Variants in SV2B observed in about 807,000 individuals in gnomAD.
SV2B encodes the protein synaptic vesicle glycoprotein 2B.
A neutral mutation model predicts 73.9 loss-of-function variants in SV2B; 41 were observed. That is an observed-to-expected ratio of 0.56 (90% confidence interval 0.43 to 0.72). The LOEUF (loss-of-function observed/expected upper bound fraction) is 0.72. Ranked by LOEUF, SV2B falls within the 30% of genes least tolerant of loss-of-function variation. The probability of loss-of-function intolerance (pLI) is 0.00; values close to 1 mark genes in which losing one functional copy is unlikely to be tolerated. For synonymous variants in SV2B, 314 were observed against 314.2 expected (o/e 1.00, Z 0.01); for missense variants, 764 against 857.8 (o/e 0.89, Z 1.37).
At position 91,231,276 on chromosome 15, in the gene SV2B, G is replaced by A. The variant is rs564531156; in HGVS notation, c.451+4562G>A. Among the ~76,000 whole-genome samples the A allele has an allele frequency of 4.6e-4, 70 of 152,208 alleles. No individual in the cohort carries two copies. In the South Asian group the frequency reaches 0.015, roughly 32 times the overall value. On this transcript the variant is annotated intron_variant, in intron 2 of 12. Coordinates refer to ENST00000394232, the MANE Select transcript of SV2B (RefSeq NM_001323032.3). This position sits in a 1 kb window ranked among gnomAD's most constrained non-coding sequence, Gnocchi z 4.5. The stretch of plus-strand genomic sequence containing the variant: ...TGGTAGTGGAGAGCTGTTTAATGGG[G>A]AGCTATGAAATATGCCGTTGAGGAA...
rs944187546 is a variant in SV2B at position 91,241,376 on chromosome 15, A to G, written c.452-10443A>G. ...ACCCCGTTGCTGCACCTGGGTGGTC[A>G]GGAACACAGAACATACAATGTTGCC... On this transcript the variant is annotated intron_variant, in intron 2 of 12. Transcript: ENST00000394232. The surrounding 1 kb of genome is among the most constrained non-coding windows in gnomAD (Gnocchi z 4.8). 6.6e-6 allele frequency among the ~76,000 whole-genome samples: 1 copy of G among 152,134 alleles called. No homozygotes were observed. Among genetic ancestry groups the G allele is most frequent in the African/African-American group, 2.4e-5 (1 of 41,426 alleles).
At chr15:91,150,112 T>G (rs1035923262) in intron 1 of SV2B, among the ~76,000 whole-genome samples, 1 of 152,182 alleles carries the variant, frequency 6.6e-6, no homozygotes, top group African/African-American at 2.4e-5. Context: ...CAAGTGATTC[T>G]CCTGCCTCAG....
At chr15:91,264,626 C>T (rs1023366315) in intron 6 of SV2B, among the ~76,000 whole-genome samples, 12 of 152,284 alleles carry the variant, frequency 7.9e-5, no homozygotes, top group African/African-American at 2.9e-4. Flanking sequence ...ATTAGAGCCA[C>T]CTCCGTTGAG....
chr15:91,156,665 C>T (rs1284893918), intron 1 of SV2B, among the ~76,000 whole-genome samples: 1 of 152,206 alleles, frequency 6.6e-6, no homozygotes, highest in African/African-American at 2.4e-5. Context: ...GTCAAGCATT[C>T]ATCCCTTTCT....
At position 91,232,871 on chromosome 15, in the gene SV2B, C is replaced by T. The variant is rs1389261338; in HGVS notation, c.451+6157C>T. 6.6e-6 allele frequency among the ~76,000 whole-genome samples: 1 copy of T among 152,134 alleles called. No homozygotes were observed. Among genetic ancestry groups the T allele is most frequent in the Non-Finnish European group, 1.5e-5 (1 of 68,018 alleles). ...ACTGTTTTTCAGTCCTTTCGCCTCT[C>T]CAGTAGTCCCCAGTGTCTATTATTC... On this transcript the variant is annotated intron_variant, in intron 2 of 12. Transcript: ENST00000394232. This position sits in a 1 kb window ranked among gnomAD's most constrained non-coding sequence, Gnocchi z 4.7.
intron 1 of SV2B, among the ~76,000 whole-genome samples, chr15:91,179,212 T>A (rs1050784158): frequency 2.6e-5 from 4 of 152,160 alleles, no homozygotes; most frequent in Admixed American, 6.5e-5. Flanking sequence ...TTTGAGTGAG[T>A]TTCTTAATCC....
chr15:91,254,460 C>A (rs1337668323), intron 4 of SV2B, among the ~76,000 whole-genome samples: 2 of 152,204 alleles, frequency 1.3e-5, no homozygotes, highest in East Asian at 3.9e-4. Context: ...TGGTCTCCAA[C>A]GCCTGACTTC....
intron 1 of SV2B, among the ~76,000 whole-genome samples, chr15:91,133,101 A>G (rs575441707): frequency 6.6e-6 from 1 of 152,316 alleles, no homozygotes; most frequent in Admixed American, 6.5e-5. Flanking sequence ...GATCATAGAG[A>G]TTAAGAGACT....
intron 1 of SV2B, among the ~76,000 whole-genome samples, chr15:91,169,295 C>T (rs937241359): frequency 6.6e-6 from 1 of 152,082 alleles, no homozygotes; most frequent in Non-Finnish European, 1.5e-5. Context: ...GCAATAATGT[C>T]TTCTTTAAGA....
rs776762296 is a variant in SV2B, at chr15:91,296,330, G to T, written c.*3778G>T. On this transcript the variant is annotated 3_prime_UTR_variant, in exon 13 of 13. Transcript: ENST00000394232. ...GATGGCATATGACTGCAAATTCAAA[G>T]AAACCAATTTATAATAAGTTTATAG... The T allele has an allele frequency of 2.0e-5, 3 of 152,206 alleles. No individual in the cohort carries two copies. The highest frequency in any genetic ancestry group is 4.8e-5 in the African/African-American group (2 of 41,454). The allele number at this position is 152,206 out of a possible 1,614,324, so 9.4% of individuals were successfully genotyped here. A position where few individuals can be genotyped will look rare whatever the true frequency, so the allele number is the denominator to read the frequency against.
rs770620196 is a variant in SV2B at position 91,294,244 on chromosome 15, G to A, written c.*1692G>A. On this transcript the variant is annotated 3_prime_UTR_variant, in exon 13 of 13. Coordinates refer to ENST00000394232, the MANE Select transcript of SV2B (RefSeq NM_001323032.3). The surrounding 1 kb of genome is among the most constrained non-coding windows in gnomAD (Gnocchi z 4.1). ...AATGCTTAGGTCCTATGATAGCTTC[G>A]GGACATCTTTCTGTAATTTTCCTCA... 1.3e-5 allele frequency: 2 copies of A among 152,104 alleles called. No homozygotes were observed. Among genetic ancestry groups the A allele is most frequent in the Admixed American group, 1.3e-4 (2 of 15,284 alleles). The allele number at this position is 152,104 out of a possible 1,614,324, so 9.4% of individuals were successfully genotyped here.
chr15:91,129,479 T>C lies in SV2B; in HGVS notation c.-392+29116T>C, dbSNP rs1039305301. ...AATGGTGGGGATCAGCAAAGATGTATGTCTTGGAAAAGCCCAGAACCGGAG... is the reference window on the plus strand; with the variant it reads ...AATGGTGGGGATCAGCAAAGATGTACGTCTTGGAAAAGCCCAGAACCGGAG... On this transcript the variant is annotated intron_variant, in intron 1 of 12. Coordinates refer to ENST00000394232, the MANE Select transcript of SV2B (RefSeq NM_001323032.3). The surrounding 1 kb of genome is among the most constrained non-coding windows in gnomAD (Gnocchi z 5.1). Among the ~76,000 whole-genome samples, 13 of 152,272 alleles carry C rather than the reference T, an allele frequency of 8.5e-5. No individual in the cohort carries two copies. The highest frequency in any genetic ancestry group is 2.9e-4 in the African/African-American group (12 of 41,570).
chr15:91,160,712 T>G (rs943827170), intron 1 of SV2B, among the ~76,000 whole-genome samples: 1 of 151,874 alleles, frequency 6.6e-6, no homozygotes, highest in East Asian at 1.9e-4. Flanking sequence ...CCAAAATAGA[T>G]CCAAGGATAA....
rs548043040 is a variant in SV2B at position 91,289,371 on chromosome 15, C to T, written c.1709-150C>T. 4 of 979,520 alleles carry T rather than the reference C, an allele frequency of 4.1e-6. No homozygotes were observed. The highest frequency in any genetic ancestry group is 1.6e-5 in the African/African-American group (1 of 61,850). The allele number at this position is 979,520 out of a possible 1,614,324, so 60.7% of individuals were successfully genotyped here. A position where few individuals can be genotyped will look rare whatever the true frequency, so the allele number is the denominator to read the frequency against. ...GCCTTGTGAGGATTCCAGCTGTGCT[C>T]TCTCTGTGTGGAGGGTGAACCTAAT... On this transcript the variant is annotated intron_variant, in intron 11 of 12. Transcript: ENST00000394232. This position sits in a 1 kb window ranked among gnomAD's most constrained non-coding sequence, Gnocchi z 4.9.
rs1404381328 is a variant in SV2B at position 91,242,143 on chromosome 15, T to C, written c.452-9676T>C. ...TCTCCTCCTTGATGCGCTTTCTTTA[T>C]TGGACATCTAAGCTACCTCTGTCTC... is the stretch of plus-strand genomic sequence containing the variant. On this transcript the variant is annotated intron_variant, in intron 2 of 12. Coordinates refer to ENST00000394232, the MANE Select transcript of SV2B (RefSeq NM_001323032.3). The surrounding 1 kb of genome is among the most constrained non-coding windows in gnomAD (Gnocchi z 4.9). 1.3e-5 allele frequency among the ~76,000 whole-genome samples: 2 copies of C among 152,228 alleles called. No individual in the cohort carries two copies. The highest frequency in any genetic ancestry group is 4.8e-5 in the African/African-American group (2 of 41,472).
At position 91,241,018 on chromosome 15, in the gene SV2B, C is replaced by T. The variant is rs930802596; in HGVS notation, c.452-10801C>T. Among the ~76,000 whole-genome samples, 1 of 152,172 alleles carries T rather than the reference C, an allele frequency of 6.6e-6. No homozygotes were observed. The highest frequency in any genetic ancestry group is 1.5e-5 in the Non-Finnish European group (1 of 68,032). On this transcript the variant is annotated intron_variant, in intron 2 of 12. Coordinates refer to ENST00000394232, the MANE Select transcript of SV2B (RefSeq NM_001323032.3). This position sits in a 1 kb window ranked among gnomAD's most constrained non-coding sequence, Gnocchi z 4.8. ...TACTACACATTCTTGTTGCAGTCATCCACTGACTGGGCCATGTGCTCTCAT... is the reference window on the plus strand; with the variant it reads ...TACTACACATTCTTGTTGCAGTCATTCACTGACTGGGCCATGTGCTCTCAT...
At chr15:91,270,202 G>A (rs1210854659) in intron 9 of SV2B, among the ~76,000 whole-genome samples, 3 of 152,210 alleles carry the variant, frequency 2.0e-5, no homozygotes, top group South Asian at 2.1e-4. Flanking sequence ...AGTTCCCAAT[G>A]TTTAGTGATA....
chr15:91,279,865 T>C (rs2048628347), intron 9 of SV2B, among the ~76,000 whole-genome samples: 1 of 152,236 alleles, frequency 6.6e-6, no homozygotes, highest in Non-Finnish European at 1.5e-5. Context: ...AACAAAAGAC[T>C]CACCAATTAG....
At chr15:91,218,103 A>G (rs113179732) in intron 1 of SV2B, among the ~76,000 whole-genome samples, 2,162 of 152,370 alleles carry the variant, frequency 0.014, 18 homozygotes, top group Middle Eastern at 0.048. Flanking sequence ...AATTTATTTA[A>G]TATAAGTTTT....
Sources: allele counts gnomAD v4.1 joint callset (sites outside exome capture counted in the v4.1 genomes callset), GRCh38; gene constraint gnomAD v4.1.1; non-coding constraint Gnocchi (gnomAD v3.1); transcripts MANE v1.5; gene names NCBI Gene and HGNC (gene_info 2026-07-23, HGNC 2026-07-21).